ZDHHC11B: variants seen among roughly 807,000 people sequenced by gnomAD.
ZDHHC11B encodes the protein zDHHC palmitoyltransferase 11B (putative), also known as probable palmitoyltransferase ZDHHC11B.
A neutral mutation model predicts 42.3 loss-of-function variants in ZDHHC11B; 17 were observed. The ratio of observed to expected loss-of-function variants is 0.40; its 90% CI spans 0.27 to 0.60. The LOEUF (loss-of-function observed/expected upper bound fraction) is 0.60, where lower values mean the gene tolerates loss of function less well. ZDHHC11B is among the 20% of genes least tolerant of loss of function. ZDHHC11B has a pLI of 0.41. For synonymous variants in ZDHHC11B, 123 were observed against 193.5 expected (o/e 0.64, Z 3.02); for missense variants, 262 against 463.2 (o/e 0.57, Z 3.99).
At chr5:743,280 T>C (rs1744374756) in intron 9 of ZDHHC11B, among the ~76,000 whole-genome samples, 1 of 149,726 alleles carries the variant, frequency 6.7e-6, no homozygotes, top group Non-Finnish European at 1.5e-5. Flanking sequence ...TCTCTCTATG[T>C]CAGCGCCACC....
intron 4 of ZDHHC11B, among the ~76,000 whole-genome samples, chr5:765,948 AAC>A (rs1462336262): frequency 1.1e-4 from 16 of 151,944 alleles, no homozygotes; most frequent in Non-Finnish European, 1.9e-4. Flanking sequence ...AGTGAGAAAT[AAC>A]ACATCCTACT....
chr5:778,036 C>T (rs1013950280), intron 1 of ZDHHC11B, among the ~76,000 whole-genome samples: 4 of 152,004 alleles, frequency 2.6e-5, no homozygotes, highest in South Asian at 2.1e-4. Flanking sequence ...CTGGGGGACC[C>T]GGCGCACCTC....
At chr5:783,821 ACAG>A (rs1204037841) in intron 1 of ZDHHC11B, among the ~76,000 whole-genome samples, 3 of 104,856 alleles carry the variant, frequency 2.9e-5, no homozygotes, top group South Asian at 3.4e-4. Context: ...CCCCATCAAA[ACAG>A]CAGCCTCCCA....
chr5:732,664 C>T (rs974419439), intron 11 of ZDHHC11B: 3 of 450,668 alleles, frequency 6.7e-6, no homozygotes. Context: ...GTGAGGCGGC[C>T]CTGCCCCCAC....
At chr5:749,640 G>C (rs2335611) in intron 7 of ZDHHC11B, among the ~76,000 whole-genome samples, 87,357 of 128,114 alleles carry the variant, frequency 0.68, 34,018 homozygotes, top group Middle Eastern at 0.8. Context: ...ACAGCAAACG[G>C]AGGAATTCGC....
intron 12 of ZDHHC11B, among the ~76,000 whole-genome samples, chr5:722,632 T>C (rs1742274198): frequency 6.6e-6 from 1 of 151,650 alleles, no homozygotes; most frequent in Non-Finnish European, 1.5e-5. Context: ...GAGCTGGACA[T>C]TCTAGCAATT....
intron 12 of ZDHHC11B, among the ~76,000 whole-genome samples, chr5:720,332 T>A (rs1742089810): frequency 6.6e-6 from 1 of 151,778 alleles, no homozygotes; most frequent in South Asian, 2.1e-4. Context: ...TGATTTCTCA[T>A]TAGAAACTAA....
chr5:730,611 C>G (rs1742948910), intron 11 of ZDHHC11B, 143 bp from the exon 12 acceptor site: 3 of 949,482 alleles, frequency 3.2e-6, no homozygotes, highest in Non-Finnish European at 4.4e-6. Flanking sequence ...GGAATAGGAT[C>G]TCAGTGGTGG....
chr5:751,790 G>A lies in ZDHHC11B; in HGVS notation c.504-533C>T, dbSNP rs1745806254. 1.6e-5 allele frequency among the ~76,000 whole-genome samples: 2 copies of A among 124,454 alleles called. 1 individual carries two copies. Among genetic ancestry groups the A allele is most frequent in the Non-Finnish European group, 3.6e-5 (2 of 55,778 alleles). The allele number at this position is 124,454 out of a possible 152,430, so 81.6% of individuals were successfully genotyped here. A position where few individuals can be genotyped will look rare whatever the true frequency, so the allele number is the denominator to read the frequency against. ...CCTCTCGCTGGAGAGGGGTGGCCGT[G>A]GGACATTCCCACCAGCACACCGCCT... On this transcript the variant is annotated intron_variant, in intron 6 of 13. Transcript: ENST00000508859.
intron 11 of ZDHHC11B, among the ~76,000 whole-genome samples, chr5:732,964 G>T (rs1211615958): frequency 6.6e-6 from 1 of 151,722 alleles, no homozygotes; most frequent in Non-Finnish European, 1.5e-5. Flanking sequence ...GGCTGAGGTG[G>T]GACAATTGCT....
At chr5:746,237 G>A (rs1424214202) in intron 8 of ZDHHC11B, among the ~76,000 whole-genome samples, 1 of 146,514 alleles carries the variant, frequency 6.8e-6, no homozygotes, top group African/African-American at 2.5e-5. Context: ...CTGGAGACTG[G>A]GGCGGCCGCC....
At chr5:724,310 A>G (rs1742401979) in intron 12 of ZDHHC11B, among the ~76,000 whole-genome samples, 1 of 145,726 alleles carries the variant, frequency 6.9e-6, no homozygotes, top group Non-Finnish European at 1.5e-5. Flanking sequence ...GGTTCAAGCG[A>G]TTCTCCTGCC....
chr5:765,280 C>G (rs1353936138), intron 4 of ZDHHC11B, among the ~76,000 whole-genome samples: 2 of 151,634 alleles, frequency 1.3e-5, no homozygotes, highest in African/African-American at 4.8e-5. Context: ...ATGCACCAAT[C>G]AGCACTCTGT....
chr5:758,745 T>C (rs1375019022), intron 4 of ZDHHC11B, among the ~76,000 whole-genome samples: 1 of 151,834 alleles, frequency 6.6e-6, no homozygotes, highest in Non-Finnish European at 1.5e-5. Flanking sequence ...GCTTTTTTCA[T>C]GGAACCAGGT....
At chr5:730,581 T>A (rs1160871595) in intron 11 of ZDHHC11B, 113 bp from the exon 12 acceptor site, 48 of 1,144,010 alleles carry the variant, frequency 4.2e-5, no homozygotes, top group Non-Finnish European at 5.7e-5. Flanking sequence ...GTAATGGTAC[T>A]TCAAGAATGC....
chr5:758,186 G>C (rs1279909593), intron 4 of ZDHHC11B, among the ~76,000 whole-genome samples: 1 of 151,914 alleles, frequency 6.6e-6, no homozygotes, highest in Non-Finnish European at 1.5e-5. Flanking sequence ...GGACGCTATC[G>C]GTGGCAGCTG....
intron 12 of ZDHHC11B, among the ~76,000 whole-genome samples, chr5:719,169 A>G (rs1741996898): frequency 6.6e-6 from 1 of 151,852 alleles, no homozygotes. Flanking sequence ...GCCTTTAACA[A>G]GAGAAAATCC....
chr5:778,015 G>T (rs377389086), intron 1 of ZDHHC11B, among the ~76,000 whole-genome samples: 1 of 152,056 alleles, frequency 6.6e-6, no homozygotes, highest in East Asian at 1.9e-4. Context: ...GGCGCAGGCG[G>T]GCTGGCAGTG....
intron 1 of ZDHHC11B, among the ~76,000 whole-genome samples, chr5:775,747 C>T (rs1225609365): frequency 6.6e-6 from 1 of 151,776 alleles, no homozygotes; most frequent in Non-Finnish European, 1.5e-5. Flanking sequence ...ATGCCCCTGG[C>T]AGGGGCCATG....
Sources: gnomAD v4.1 joint callset for allele counts (sites outside exome capture counted in the v4.1 genomes callset) on GRCh38, gnomAD v4.1.1 for gene constraint, MANE v1.5 for transcripts, NCBI Gene and HGNC (gene_info 2026-07-23, HGNC 2026-07-21) for gene names.